Variants in AUTS2 observed in about 807,000 individuals in gnomAD.
The protein encoded by AUTS2 is activator of transcription and developmental regulator AUTS2.
Under a neutral mutation model 112.4 loss-of-function variants are expected in AUTS2, and 17 were observed. The ratio of observed to expected loss-of-function variants is 0.15; its 90% CI spans 0.10 to 0.23. The LOEUF (loss-of-function observed/expected upper bound fraction) is 0.23. AUTS2 is among the 10% of genes least tolerant of loss of function. The pLI is 1.00. For synonymous variants in AUTS2, 751 were observed against 702.7 expected, an observed-to-expected ratio of 1.07 and a Z score of -1.09; for missense variants, 1,510 against 1,701.6, an observed-to-expected ratio of 0.89 and a Z score of 1.98.
At chr7:70,011,388 T>C (rs1194443374) in intron 2 of AUTS2, among the ~76,000 whole-genome samples, 1 of 147,254 alleles carries the variant, frequency 6.8e-6, no homozygotes, top group Non-Finnish European at 1.5e-5. Context: ...TTTTCTACTC[T>C]CCCACTTCTA....
chr7:70,108,783 C>CAAAAAAAAAAAAAAAAAAAAAA (rs528009205), intron 2 of AUTS2, among the ~76,000 whole-genome samples: 4 of 69,180 alleles, frequency 5.8e-5, no homozygotes, highest in Admixed American at 1.6e-4. Flanking sequence ...GCCAACATGG[C>CAAAAAAAAAAAAAAAAAAAAAA]AAAAAAAAAA....
intron 6 of AUTS2, among the ~76,000 whole-genome samples, chr7:70,737,260 G>A (rs1787828021): frequency 6.6e-6 from 1 of 152,194 alleles, no homozygotes; most frequent in Non-Finnish European, 1.5e-5. Context: ...CAGCCCTAGA[G>A]CAGAGACCAT....
rs1584220014 is a variant in AUTS2 at position 69,770,481 on chromosome 7, T to C, written c.310-128805T>C. On this transcript the variant is annotated intron_variant, in intron 1 of 18. Transcript: ENST00000342771. The stretch of plus-strand genomic sequence containing the variant: ...GTGGGAGCATCCTGGCTACCTGAGA[T>C]GTGTTTTGAGGTGCCAGCCTCTTGG... Among the ~76,000 whole-genome samples, 5 of 151,958 alleles carry C rather than the reference T, an allele frequency of 3.3e-5. No individual in the cohort carries two copies. The East Asian group carries it at 9.7e-4, about 30-fold the overall frequency.
intron 4 of AUTS2, among the ~76,000 whole-genome samples, chr7:70,230,293 T>C (rs1490533192): frequency 6.6e-6 from 1 of 152,210 alleles, no homozygotes; most frequent in Non-Finnish European, 1.5e-5. Flanking sequence ...CTTTAGTTTC[T>C]TACTGGAATG....
chr7:69,889,527 A>G (rs896195830), intron 1 of AUTS2, among the ~76,000 whole-genome samples: 3 of 152,202 alleles, frequency 2.0e-5, no homozygotes, highest in African/African-American at 7.2e-5. Context: ...CAGGTGCAAG[A>G]TGACATCTCA....
intron 2 of AUTS2, among the ~76,000 whole-genome samples, chr7:69,960,470 C>T (rs1293493906): frequency 9.9e-5 from 15 of 152,134 alleles, no homozygotes; most frequent in Admixed American, 9.8e-4. Context: ...TAAAATCATT[C>T]TGAATTCATG....
intron 4 of AUTS2, among the ~76,000 whole-genome samples, chr7:70,220,839 G>A (rs943463972): frequency 3.9e-5 from 6 of 152,084 alleles, no homozygotes; most frequent in African/African-American, 1.2e-4. Context: ...CAAACATATA[G>A]CAGTTTTAAA....
At chr7:70,059,180 C>G (rs1054971904) in intron 2 of AUTS2, among the ~76,000 whole-genome samples, 1 of 152,226 alleles carries the variant, frequency 6.6e-6, no homozygotes, top group South Asian at 2.1e-4. Context: ...ATTCATCCCC[C>G]TACCAAAACC....
At chr7:69,808,940 A>G (rs1354597079) in intron 1 of AUTS2, among the ~76,000 whole-genome samples, 1 of 152,186 alleles carries the variant, frequency 6.6e-6, no homozygotes, top group Non-Finnish European at 1.5e-5. Flanking sequence ...TAACCTGGAC[A>G]TCACACCCTT....
At chr7:70,360,468 T>C (rs1412388585) in intron 4 of AUTS2, among the ~76,000 whole-genome samples, 1 of 152,106 alleles carries the variant, frequency 6.6e-6, no homozygotes, top group Non-Finnish European at 1.5e-5. Flanking sequence ...TGGGTCCTTG[T>C]TAGTCAGCTT....
intron 4 of AUTS2, among the ~76,000 whole-genome samples, chr7:70,176,281 T>C (rs1584834109): frequency 6.6e-6 from 1 of 152,240 alleles, no homozygotes. Flanking sequence ...ATAATAATTA[T>C]ACAATAGTAG....
intron 4 of AUTS2, among the ~76,000 whole-genome samples, chr7:70,287,829 T>G (rs1002231272): frequency 2.0e-5 from 3 of 151,650 alleles, no homozygotes; most frequent in Admixed American, 2.0e-4. Context: ...AAAAAAAAAT[T>G]TTTTTTTAGC....
chr7:70,743,620 A>G (rs530312100), intron 6 of AUTS2, among the ~76,000 whole-genome samples: 132 of 152,236 alleles, frequency 8.7e-4, no homozygotes, highest in Admixed American at 2.0e-3. Flanking sequence ...TTTGTCGTGC[A>G]TTGATCTGGG....
At chr7:69,835,140 A>G (rs1791665803) in intron 1 of AUTS2, among the ~76,000 whole-genome samples, 1 of 151,904 alleles carries the variant, frequency 6.6e-6, no homozygotes, top group Non-Finnish European at 1.5e-5. Context: ...TTTTAATCTC[A>G]CCAATTTCTA....
At chr7:69,688,530 T>A (rs950333428) in intron 1 of AUTS2, among the ~76,000 whole-genome samples, 13 of 152,244 alleles carry the variant, frequency 8.5e-5, no homozygotes. Context: ...TACATATTTA[T>A]GGGGTACATA....
intron 2 of AUTS2, among the ~76,000 whole-genome samples, chr7:70,086,957 C>T (rs1803639628): frequency 6.7e-6 from 1 of 148,344 alleles, no homozygotes; most frequent in Non-Finnish European, 1.5e-5. Context: ...TGGATGCTTT[C>T]ATTTCTTTTC....
At chr7:70,350,276 T>A (rs1303464908) in intron 4 of AUTS2, among the ~76,000 whole-genome samples, 1 of 152,202 alleles carries the variant, frequency 6.6e-6, no homozygotes, top group Admixed American at 6.5e-5. Flanking sequence ...TTGATATACA[T>A]ACAATTAGTG....
chr7:70,278,580 A>T (rs1584964860), intron 4 of AUTS2, among the ~76,000 whole-genome samples: 1 of 149,646 alleles, frequency 6.7e-6, no homozygotes, highest in Admixed American at 6.7e-5. Context: ...GTCTCTCAAA[A>T]ACATACATAC....
At chr7:69,848,666 G>T (rs965649236) in intron 1 of AUTS2, among the ~76,000 whole-genome samples, 1 of 152,134 alleles carries the variant, frequency 6.6e-6, no homozygotes, top group African/African-American at 2.4e-5. Flanking sequence ...AGCAATATTT[G>T]TTGGATTACA....
Sources: gnomAD v4.1 joint callset for allele counts (sites outside exome capture counted in the v4.1 genomes callset) on GRCh38, gnomAD v4.1.1 for gene constraint, MANE v1.5 for transcripts, NCBI Gene and HGNC (gene_info 2026-07-23, HGNC 2026-07-21) for gene names.